Variants in DAB1 observed in about 807,000 individuals in gnomAD.
DAB1 encodes DAB adaptor protein 1.
Under a neutral mutation model 64.6 loss-of-function variants are expected in DAB1, and 15 were observed. The observed-to-expected ratio is 0.23, with a 90% CI of 0.16 to 0.36. DAB1 has a LOEUF of 0.36. DAB1 is among the 10% of genes least tolerant of loss of function. DAB1 has a pLI of 1.00. For synonymous variants in DAB1, 235 were observed against 251.9 expected (o/e 0.93, Z 0.64); for missense variants, 596 against 706.7 (o/e 0.84, Z 1.78).
intron 6 of DAB1, among the ~76,000 whole-genome samples, chr1:57,711,447 G>T (rs1015744253): frequency 1.3e-5 from 2 of 152,240 alleles, no homozygotes; most frequent in Admixed American, 1.3e-4. Flanking sequence ...TCTTCCTGCT[G>T]ACAGGGGGAG....
At chr1:57,803,225 T>C (rs1028574409) in intron 6 of DAB1, among the ~76,000 whole-genome samples, 3 of 152,230 alleles carry the variant, frequency 2.0e-5, no homozygotes, top group African/African-American at 7.2e-5. Context: ...TTGCAAATTG[T>C]AGTGAACTGT....
intron 1 of DAB1, among the ~76,000 whole-genome samples, chr1:57,368,123 T>G (rs1379387250): frequency 1.3e-5 from 2 of 152,226 alleles, no homozygotes; most frequent in Non-Finnish European, 2.9e-5. Flanking sequence ...CTCAGGGCAC[T>G]GTTGACATGT....
intron 6 of DAB1, among the ~76,000 whole-genome samples, chr1:57,793,742 G>C (rs1650712269): frequency 6.6e-6 from 1 of 152,196 alleles, no homozygotes; most frequent in South Asian, 2.1e-4. Flanking sequence ...GTAAAACAAG[G>C]ATAGTGAAAC....
At chr1:58,241,000 T>C (rs950407567) in intron 4 of DAB1, among the ~76,000 whole-genome samples, 1 of 152,132 alleles carries the variant, frequency 6.6e-6, no homozygotes, top group East Asian at 1.9e-4. Flanking sequence ...AAAATAGATA[T>C]GAGAATTTTA....
intron 5 of DAB1, among the ~76,000 whole-genome samples, chr1:57,972,450 C>T (rs916965451): frequency 2.6e-5 from 4 of 151,976 alleles, no homozygotes; most frequent in African/African-American, 9.7e-5. Flanking sequence ...GCTATGTTGC[C>T]CAGGCTGGTC....
At chr1:57,491,698 A>G (rs143396925) in intron 7 of DAB1, among the ~76,000 whole-genome samples, 16 of 152,340 alleles carry the variant, frequency 1.1e-4, no homozygotes, top group African/African-American at 3.8e-4. Flanking sequence ...ATGAGATTCC[A>G]CTTGGCAATG....
intron 9 of DAB1, among the ~76,000 whole-genome samples, chr1:57,062,489 T>C (rs1273135364): frequency 6.6e-6 from 1 of 151,936 alleles, no homozygotes; most frequent in East Asian, 1.9e-4. Flanking sequence ...GAGGATGGAG[T>C]GAGAAAATGG....
intron 4 of DAB1, among the ~76,000 whole-genome samples, chr1:58,258,714 C>G (rs561351509): frequency 6.6e-6 from 1 of 152,322 alleles, no homozygotes; most frequent in African/African-American, 2.4e-5. Context: ...ACATTCAACA[C>G]TGACATCATT....
Position 57,094,457 on chromosome 1 carries a change from C to T in DAB1, c.307-22043G>A, listed in dbSNP as rs142003934. ...TACATGCAGATTTGGTTGCTGAAAG[C>T]ATCTTCTAGTTGACCATCTACCGAG... On this transcript the variant is annotated intron_variant, in intron 4 of 14. Coordinates refer to ENST00000371236, the MANE Select transcript of DAB1 (RefSeq NM_001365792.1). Among the ~76,000 whole-genome samples, 3 of 152,256 alleles carry T rather than the reference C, an allele frequency of 2.0e-5. No homozygotes were observed. In the East Asian group the frequency reaches 5.8e-4, roughly 29 times the overall value.
At chr1:57,008,744 C>T (rs180963068) in intron 14 of DAB1, among the ~76,000 whole-genome samples, 9 of 152,152 alleles carry the variant, frequency 5.9e-5, no homozygotes, top group African/African-American at 9.6e-5. Context: ...TCTGTCTCTG[C>T]GCTAGATACT....
Position 57,980,500 on chromosome 1 carries a change from A to C in DAB1, n.388-96338T>G, listed in dbSNP as rs140117687. The stretch of plus-strand genomic sequence containing the variant: ...TAGTAAATGGAAGAAATGGGTTTCA[A>C]ATTAGAAGCTTCTCATTCTAATGCA... On this transcript the variant is annotated intron_variant and non_coding_transcript_variant, in intron 5 of 20. Transcript: ENST00000485760. 4.2e-4 allele frequency among the ~76,000 whole-genome samples: 64 copies of C among 152,272 alleles called. No individual in the cohort carries two copies. The East Asian group carries it at 0.011, about 26-fold the overall frequency.
chr1:58,281,771 G>A (rs569229158), intron 4 of DAB1, among the ~76,000 whole-genome samples: 12 of 152,246 alleles, frequency 7.9e-5, no homozygotes, highest in East Asian at 3.9e-4. Flanking sequence ...CTTCATTTGT[G>A]TAATAAAATG....
At chr1:57,832,631 T>C (rs1474718207) in intron 1 of DAB1, among the ~76,000 whole-genome samples, 1 of 152,230 alleles carries the variant, frequency 6.6e-6, no homozygotes, top group African/African-American at 2.4e-5. Context: ...GGGCATGCTG[T>C]CATTGAATAA....
At chr1:58,315,187 A>G (rs542970437) in intron 4 of DAB1, among the ~76,000 whole-genome samples, 1 of 152,346 alleles carries the variant, frequency 6.6e-6, no homozygotes, top group South Asian at 2.1e-4. Context: ...CTCATTGCAC[A>G]GGATACTAAC....
chr1:57,685,045 C>T (rs1046207765), intron 6 of DAB1, among the ~76,000 whole-genome samples: 2 of 151,668 alleles, frequency 1.3e-5, no homozygotes, highest in African/African-American at 4.8e-5. Context: ...CTATGCCTCC[C>T]AGGTTCAAGT....
chr1:58,429,726 A>T (rs972229127), intron 3 of DAB1, among the ~76,000 whole-genome samples: 13 of 152,300 alleles, frequency 8.5e-5, no homozygotes, highest in Non-Finnish European at 1.5e-4. Flanking sequence ...ACTTAATGAA[A>T]CTATAGTCAG....
intron 1 of DAB1, among the ~76,000 whole-genome samples, chr1:57,421,917 C>CGGGGGGGGGGGCGGG (rs200226853): frequency 1.5e-4 from 1 of 6,818 alleles, no homozygotes; most frequent in Admixed American, 1.6e-3. Context: ...GGGGGGGTGG[C>CGGGGGGGGGGGCGGG]GGGGGGGGGT....
chr1:58,426,715 GCA>G lies in DAB1; in HGVS notation n.257+79343_257+79344del, dbSNP rs879273991. On this transcript the variant is annotated intron_variant and non_coding_transcript_variant, in intron 3 of 20. Transcript: ENST00000485760. Reference sequence around the variant, plus strand: ...ACACCTTCTTGTATTCCTGCAGTGAGCACACTTGTATTGAATGCATATTATCT... The same window carrying G: ...ACACCTTCTTGTATTCCTGCAGTGAGCACTTGTATTGAATGCATATTATCT... 7.8e-3 allele frequency among the ~76,000 whole-genome samples: 1,184 copies of G among 152,324 alleles called. 76 individuals are homozygous for G. In the East Asian group the frequency reaches 0.19, roughly 25 times the overall value.
At chr1:57,816,372 G>A (rs2897366) in intron 6 of DAB1, among the ~76,000 whole-genome samples, 36,606 of 152,060 alleles carry the variant, frequency 0.24, 5,323 homozygotes, top group African/African-American at 0.41. Context: ...TTTCTCCAAA[G>A]CCGGTTAAGT....
Sources: gnomAD v4.1 joint callset for allele counts (sites outside exome capture counted in the v4.1 genomes callset) on GRCh38, gnomAD v4.1.1 for gene constraint, MANE v1.5 for transcripts, NCBI Gene and HGNC (gene_info 2026-07-23, HGNC 2026-07-21) for gene names.